The following CSMD1 variants were observed in gnomAD, a reference collection of about 807,000 sequenced individuals.
CSMD1 encodes the protein CUB and Sushi multiple domains 1.
In CSMD1, 213 loss-of-function variants were observed where a neutral mutation model predicts 417.5. The ratio of observed to expected loss-of-function variants is 0.51; its 90% confidence interval spans 0.46 to 0.57. CSMD1 has a LOEUF of 0.57. Among genes scored for constraint, CSMD1 ranks in the 20% least tolerant of loss-of-function variants. The pLI is 0.00. For missense variants in CSMD1, 6,923 were observed against 4,529.7 expected, an observed-to-expected ratio of 1.53 and a Z score of -15.17; for synonymous variants, 2,862 against 1,736.8, an observed-to-expected ratio of 1.65 and a Z score of -16.11.
At chr8:4,351,668 T>A (rs1455669348) in intron 3 of CSMD1, among the ~76,000 whole-genome samples, 1 of 152,170 alleles carries the variant, frequency 6.6e-6, no homozygotes, top group African/African-American at 2.4e-5. Flanking sequence ...CCAGGCAAGA[T>A]GTCTTCCAAG....
chr8:3,072,714 C>G (rs1411737323), intron 49 of CSMD1, among the ~76,000 whole-genome samples: 1 of 152,140 alleles, frequency 6.6e-6, no homozygotes, highest in African/African-American at 2.4e-5. Flanking sequence ...AGAATCTGAA[C>G]TTTTCATCTC....
chr8:4,538,655 A>C (rs1242793138), intron 2 of CSMD1, among the ~76,000 whole-genome samples: 3 of 152,150 alleles, frequency 2.0e-5, no homozygotes, highest in Admixed American at 6.5e-5. Context: ...AAAAAAATGA[A>C]ATGAAATGAA....
At chr8:4,339,531 C>T (rs901049372) in intron 3 of CSMD1, among the ~76,000 whole-genome samples, 2 of 152,096 alleles carry the variant, frequency 1.3e-5, no homozygotes, top group African/African-American at 2.4e-5. Flanking sequence ...TTCAGTCCTA[C>T]ATTTCTAAAG....
chr8:4,459,416 GC>G (rs1799676121), intron 2 of CSMD1, among the ~76,000 whole-genome samples: 1 of 152,186 alleles, frequency 6.6e-6, no homozygotes. Context: ...GAGTGTCTCT[GC>G]CCCACGTCTG....
chr8:3,162,051 C>A (rs1215712081), intron 38 of CSMD1, 108 bp downstream of exon 38: 3 of 711,316 alleles, frequency 4.2e-6, no homozygotes, highest in African/African-American at 1.8e-5. Flanking sequence ...GTATGATTCA[C>A]AAACTGAGTG....
rs372720663 is a variant in CSMD1, at chr8:3,575,005, C to A, written c.1284G>T (p.Pro428=). The A allele has an allele frequency of 6.2e-7, 1 of 1,613,272 alleles. No homozygotes were observed. The highest frequency in any genetic ancestry group is 2.2e-5 in the East Asian group (1 of 44,860). Residue 428 remains proline, a synonymous_variant, in exon 10 of 70, where the codon CCG becomes CCT. Coordinates refer to ENST00000635120, the MANE Select transcript of CSMD1 (RefSeq NM_033225.6). ...PSGVITSPNY[P]VQYEDNAHCV... is the part of the protein sequence containing the mutation. ...AGTGTGCATTATCTTCATACTGAAC[C>A]GGATAATTAGGGGAGGTAATGACGC...
At chr8:4,257,827 G>A (rs1397579353) in intron 3 of CSMD1, among the ~76,000 whole-genome samples, 1 of 152,200 alleles carries the variant, frequency 6.6e-6, no homozygotes, top group Non-Finnish European at 1.5e-5. Flanking sequence ...CATGCATAGG[G>A]AATACAGAAA....
At chr8:3,625,275 C>T (rs908248767) in intron 7 of CSMD1, among the ~76,000 whole-genome samples, 1 of 152,154 alleles carries the variant, frequency 6.6e-6, no homozygotes, top group African/African-American at 2.4e-5. Context: ...AAGTAAGTTG[C>T]TCAGCACATA....
intron 1 of CSMD1, among the ~76,000 whole-genome samples, chr8:4,898,642 A>G (rs925724253): frequency 2.0e-5 from 3 of 152,188 alleles, no homozygotes; most frequent in Non-Finnish European, 4.4e-5. Flanking sequence ...TTTATGAAAA[A>G]TTTTTATGAA....
At chr8:3,769,618 C>T (rs1050596339) in intron 5 of CSMD1, among the ~76,000 whole-genome samples, 1 of 151,984 alleles carries the variant, frequency 6.6e-6, no homozygotes, top group African/African-American at 2.4e-5. Context: ...ATTTATACAT[C>T]ATTTAAAATC....
At position 4,010,010 on chromosome 8, in the gene CSMD1, T is replaced by G. The variant is rs998009139; in HGVS notation, c.611-11900A>C. Among the ~76,000 whole-genome samples, 4 of 152,210 alleles carry G rather than the reference T, an allele frequency of 2.6e-5. No homozygotes were observed. In the South Asian group the frequency reaches 8.3e-4, roughly 32 times the overall value. On this transcript the variant is annotated intron_variant, in intron 4 of 69. Transcript: ENST00000635120. ...GACCCCCTAATCTTAATTCTTCCTATGCTCCTGAATGTCTCCTACTACTTC... is the reference window on the plus strand; with the variant it reads ...GACCCCCTAATCTTAATTCTTCCTAGGCTCCTGAATGTCTCCTACTACTTC...
intron 1 of CSMD1, among the ~76,000 whole-genome samples, chr8:4,723,082 C>T (rs1809170362): frequency 6.6e-6 from 1 of 152,094 alleles, no homozygotes; most frequent in Non-Finnish European, 1.5e-5. Context: ...TAGAGGTCAG[C>T]TTTCTGTCTG....
chr8:3,906,736 T>C (rs1268239847), intron 5 of CSMD1, among the ~76,000 whole-genome samples: 2 of 152,144 alleles, frequency 1.3e-5, no homozygotes, highest in Non-Finnish European at 2.9e-5. Context: ...ATTTTCCTCA[T>C]CTTTGATACT....
intron 1 of CSMD1, among the ~76,000 whole-genome samples, chr8:4,907,336 G>C (rs1164425206): frequency 6.6e-6 from 1 of 152,104 alleles, no homozygotes; most frequent in African/African-American, 2.4e-5. Context: ...TTAACCTTCA[G>C]ACAAAACGGC....
At chr8:4,066,920 T>C (rs974451120) in intron 3 of CSMD1, among the ~76,000 whole-genome samples, 2 of 152,198 alleles carry the variant, frequency 1.3e-5, no homozygotes, top group Non-Finnish European at 1.5e-5. Context: ...TTAAGTAAAG[T>C]GACAAATGCT....
At chr8:3,579,941 G>A (rs753136956) in intron 9 of CSMD1, among the ~76,000 whole-genome samples, 3 of 151,742 alleles carry the variant, frequency 2.0e-5, no homozygotes, top group South Asian at 2.1e-4. Context: ...CTGTCTCTAC[G>A]AAACATACAA....
At chr8:4,739,465 A>G (rs996562218) in intron 1 of CSMD1, among the ~76,000 whole-genome samples, 6 of 152,210 alleles carry the variant, frequency 3.9e-5, no homozygotes, top group Admixed American at 2.0e-4. Context: ...ATATTATCTA[A>G]TTGAATTTGT....
intron 3 of CSMD1, among the ~76,000 whole-genome samples, chr8:4,387,997 C>T (rs2128922296): frequency 6.6e-6 from 1 of 152,218 alleles, no homozygotes; most frequent in South Asian, 2.1e-4. Context: ...ATGTTAAACA[C>T]ATAATTGAAT....
At chr8:3,980,005 C>T (rs1405096122) in intron 5 of CSMD1, among the ~76,000 whole-genome samples, 1 of 152,212 alleles carries the variant, frequency 6.6e-6, no homozygotes, top group Non-Finnish European at 1.5e-5. Context: ...CTCACAGATA[C>T]TTCAAACTGT....
Sources: allele counts gnomAD v4.1 joint callset (sites outside exome capture counted in the v4.1 genomes callset), GRCh38; gene constraint gnomAD v4.1.1; transcripts MANE v1.5; gene names NCBI Gene and HGNC (gene_info 2026-07-23, HGNC 2026-07-21).